The following IDS variants were observed in gnomAD, a reference collection of about 807,000 sequenced individuals.
IDS encodes alpha-L-iduronate sulfate sulfatase.
In IDS, 1 loss-of-function variant was observed where a neutral mutation model predicts 33.5. The observed-to-expected ratio is 0.03, with a 90% confidence interval of 0.01 to 0.14. The LOEUF is 0.14. IDS is among the 10% of genes least tolerant of loss of function. The pLI, the probability that IDS is intolerant of heterozygous loss-of-function variation, is 1.00. For synonymous variants in IDS, 191 were observed against 184.4 expected, an observed-to-expected ratio of 1.04 and a Z score of -0.29; for missense variants, 328 against 448.0, an observed-to-expected ratio of 0.73 and a Z score of 2.42.
intron 7 of IDS, among the ~76,000 whole-genome samples, chrX:149,489,083 T>C (rs782073005): frequency 8.9e-6 from 1 of 112,347 alleles, no homozygotes; most frequent in Admixed American, 9.4e-5. Flanking sequence ...GATGGGCTAT[T>C]TGTAATCTAC....
In IDS at chrX:149,483,185, G is replaced by C; in HGVS notation, c.1214C>G (p.Ser405Cys). ...AAGTCCAGCCAGCGTGGGAAAAAGA[G>C]ACACAAGTTCCACAAGGTCCATGGA... ...RQSMDLVELV[S>C]LFPTLAGLAG... The change falls in exon 9 of 9, where the codon TCT becomes TGT. Residue 405 changes from serine to cysteine, a missense_variant. This residue lies in a region of IDS where 265 missense variants were observed against 339.2 expected (regional missense o/e 0.78). Coordinates refer to ENST00000340855, the MANE Select transcript of IDS (RefSeq NM_000202.8). The C allele has an allele frequency of 2.5e-6, 3 of 1,211,254 alleles. No individual in the cohort carries two copies. The highest frequency in any genetic ancestry group is 3.0e-5 in the East Asian group (1 of 33,855).
At position 149,498,124 on chromosome X, in the gene IDS, G is replaced by A; in HGVS notation, c.691C>T (p.Pro231Ser). The change falls in exon 5 of 9, where the codon CCC becomes TCC. Residue 231 changes from proline (P) to serine (S), a missense_variant. Around this residue, in one of 4 missense-constraint regions of IDS, gnomAD observed 265 missense variants for 339.2 expected, o/e 0.78. Transcript: ENST00000340855. Reference sequence around the variant, plus strand: ...CTCTTCACCTTGGGGTATCTGAAGGGGATGTGTGGCTTATGATACCCAACG... The same window carrying A: ...CTCTTCACCTTGGGGTATCTGAAGGAGATGTGTGGCTTATGATACCCAACG... ...LAVGYHKPHI[P>S]FRYPKEFQKL... 8.3e-7 allele frequency: 1 copy of A among 1,209,564 alleles called. No homozygotes were observed. The highest frequency in any genetic ancestry group is 1.1e-6 in the Non-Finnish European group (1 of 893,496).
Position 149,482,868 on chromosome X carries a change from G to A in IDS, c.1531C>T (p.Leu511=), listed in dbSNP as rs782272275. 8.3e-7 allele frequency: 1 copy of A among 1,211,858 alleles called. No individual in the cohort carries two copies. Among genetic ancestry groups the A allele is most frequent in the South Asian group, 1.8e-5 (1 of 57,009 alleles). The change falls in exon 9 of 9, where the codon CTA becomes TTA. Residue 511 remains leucine (L), a synonymous_variant. Coordinates refer to ENST00000340855, the MANE Select transcript of IDS (RefSeq NM_000202.8). ...VWVGFNPDEF[L]ANFSDIHAGE... is the part of the protein sequence containing the mutation. ...GCATGGATGTCAGAAAAGTTAGCTAGAAATTCATCAGGATTGAAGCCAACC... is the reference window on the plus strand; with the variant it reads ...GCATGGATGTCAGAAAAGTTAGCTAAAAATTCATCAGGATTGAAGCCAACC...
At chrX:149,504,656 G>C (rs1045917675) in intron 1 of IDS, among the ~76,000 whole-genome samples, 59 of 109,315 alleles carry the variant, frequency 5.4e-4, no homozygotes, top group African/African-American at 1.9e-3. Context: ...AGGGAAGAAA[G>C]GATGGAGAGA....
In IDS at chrX:149,480,556, C is replaced by T. The variant is rs782189646; in HGVS notation, c.*2190G>A. ...AATACAATGGCACGATCTTCATTCA[C>T]TGAAACCTCCGTCTCCTGGTTCAAG... On this transcript the variant is annotated 3_prime_UTR_variant, in exon 9 of 9. Coordinates refer to ENST00000340855, the MANE Select transcript of IDS (RefSeq NM_000202.8). The T allele has an allele frequency of 1.2e-4, 34 of 290,859 alleles. No homozygotes were observed. The highest frequency in any genetic ancestry group is 1.9e-4 in the Admixed American group (3 of 16,164). 24.0% of individuals were successfully genotyped at this position (290,859 alleles called of 1,213,427 possible).
intron 1 of IDS, among the ~76,000 whole-genome samples, 197 bp downstream of exon 1, chrX:149,504,838 A>G (rs2089511331): frequency 9.4e-6 from 1 of 106,465 alleles, no homozygotes; most frequent in Middle Eastern, 4.8e-3. Context: ...AGATGGAAAG[A>G]GGGAAGGGAG....
chrX:149,505,073 A>T lies in IDS; in HGVS notation c.65T>A (p.Val22Asp), dbSNP rs1557340581. ...WLGLVLSSVC[V>D]ALGSETQANS... ...GGCCTGCGTTTCGGATCCGAGGGCG[A>T]CGCAGACGGAGCTCAGAACCAGACC... Residue 22 changes from valine to aspartate, a missense_variant, in exon 1 of 9, where the codon GTC becomes GAC. Val to Asp is a radical substitution (Grantham distance 152). Coordinates refer to ENST00000340855, the MANE Select transcript of IDS (RefSeq NM_000202.8). The T allele has an allele frequency of 8.3e-7, 1 of 1,209,066 alleles. No homozygotes were observed. The highest frequency in any genetic ancestry group is 1.1e-6 in the Non-Finnish European group (1 of 893,521).
In IDS at chrX:149,482,769, G is replaced by A; in HGVS notation, c.1630C>T (p.Leu544Phe). Residue 544 changes from leucine (L) to phenylalanine (F), a missense_variant, in exon 9 of 9, where the codon CTT (leucine) becomes TTT (phenylalanine). This residue lies in a region of IDS where 265 missense variants were observed against 339.2 expected (regional missense o/e 0.78). Transcript: ENST00000340855. Reference sequence around the variant, plus strand: ...ACTCAAGGCATCAACAACTGGAAAAGATCTCCACCTTGGGAATCATTATAC... The same window carrying A: ...ACTCAAGGCATCAACAACTGGAAAAAATCTCCACCTTGGGAATCATTATAC... Reference protein sequence around the residue: ...NMYNDSQGGDLFQLLMP With the variant: ...NMYNDSQGGDFFQLLMP The A allele has an allele frequency of 8.3e-7, 1 of 1,211,826 alleles. No homozygotes were observed.
intron 6 of IDS, among the ~76,000 whole-genome samples, chrX:149,492,480 A>C (rs1210487352): frequency 9.0e-6 from 1 of 111,446 alleles, no homozygotes; most frequent in Non-Finnish European, 1.9e-5. Context: ...GGGGCCAATG[A>C]AAGGCCCATG....
intron 6 of IDS, among the ~76,000 whole-genome samples, chrX:149,491,906 T>C (rs890706005): frequency 3.6e-5 from 4 of 112,355 alleles, no homozygotes; most frequent in Non-Finnish European, 5.6e-5. Context: ...GACACAGGTA[T>C]GCAGCATAAG....
In IDS at chrX:149,497,532, T is replaced by C. The variant is rs782096601; in HGVS notation, c.708+575A>G. Among the ~76,000 whole-genome samples, 4 of 112,473 alleles carry C rather than the reference T, an allele frequency of 3.6e-5. No homozygotes were observed. In the East Asian group the frequency reaches 1.1e-3, roughly 31 times the overall value. On this transcript the variant is annotated intron_variant, in intron 5 of 8. Coordinates refer to ENST00000340855, the MANE Select transcript of IDS (RefSeq NM_000202.8). ...CTCATTACATGTGAGGGGCATTCTCTGCAAAGTCAAAAGGATGGGATGCTC... is the reference window on the plus strand; with the variant it reads ...CTCATTACATGTGAGGGGCATTCTCCGCAAAGTCAAAAGGATGGGATGCTC...
rs896796852 is a variant in IDS, at chrX:149,479,987, G to A, written c.*2759C>T. ...AACCTCAGCCTCCTTCGGGAGGGGG[G>A]GAGCTTGGTAGTGAAAAATGGTCAT... On this transcript the variant is annotated 3_prime_UTR_variant, in exon 9 of 9. Coordinates refer to ENST00000340855, the MANE Select transcript of IDS (RefSeq NM_000202.8). 2.2e-5 allele frequency: 6 copies of A among 269,349 alleles called. No homozygotes were observed. Among genetic ancestry groups the A allele is most frequent in the Admixed American group, 6.4e-5 (1 of 15,509 alleles). 22.2% of individuals were successfully genotyped at this position (269,349 alleles called of 1,213,427 possible). A position where few individuals can be genotyped will look rare whatever the true frequency, so the allele number is the denominator to read the frequency against.
intron 2 of IDS, among the ~76,000 whole-genome samples, chrX:149,503,700 C>T (rs1483328569): frequency 8.9e-6 from 1 of 111,973 alleles, no homozygotes; most frequent in Non-Finnish European, 1.9e-5. Context: ...CCCCTGAAAC[C>T]AGCAGATGCT....
At chrX:149,494,775 T>C (rs1315051154) in intron 6 of IDS, among the ~76,000 whole-genome samples, 1 of 112,154 alleles carries the variant, frequency 8.9e-6, no homozygotes, top group Non-Finnish European at 1.9e-5. Context: ...GTAGGTGTTA[T>C]CATGGAAAAA....
chrX:149,491,208 G>A (rs1290670066), intron 6 of IDS, among the ~76,000 whole-genome samples: 4 of 111,654 alleles, frequency 3.6e-5, no homozygotes, highest in Non-Finnish European at 5.6e-5. Flanking sequence ...AACTATGGCC[G>A]TTACGTGGAG....
rs782806769 is a variant in IDS at position 149,505,242 on chromosome X, A to G, written c.-105T>C. 4.1e-5 allele frequency: 21 copies of G among 511,723 alleles called. No individual in the cohort carries two copies. The African/African-American group carries it at 4.9e-4, about 12-fold the overall frequency. 42.2% of individuals were successfully genotyped at this position (511,723 alleles called of 1,213,427 possible). ...ACAGAGACCTCCTCGTCGGGAACCC[A>G]TGAAGACTGCGCAACACAGCCGCCG... is the stretch of plus-strand genomic sequence containing the variant. On this transcript the variant is annotated 5_prime_UTR_variant, in exon 1 of 9. It removes an upstream start codon present in the reference 5' UTR. Coordinates refer to ENST00000340855, the MANE Select transcript of IDS (RefSeq NM_000202.8).
At chrX:149,487,381 C>A (rs41302152) in intron 7 of IDS, 3 of 806,753 alleles carry the variant, frequency 3.7e-6, no homozygotes, top group African/African-American at 4.1e-5. Context: ...GCAACATATA[C>A]CTAACGTAGG....
Position 149,505,276 on chromosome X carries a change from CGCAGGCCCGGGCGCTG to C in IDS, c.-155_-140del. ...GCGCAACACAGCCGCCGCCCGGGCC[CGCAGGCCCGGGCGCTG>C]GCCGCAGCGCGAGTGCGTCCGTGCG... On this transcript the variant is annotated 5_prime_UTR_variant, in exon 1 of 9. Coordinates refer to ENST00000340855, the MANE Select transcript of IDS (RefSeq NM_000202.8). The C allele has an allele frequency of 1.2e-5, 4 of 333,755 alleles. No homozygotes were observed. 27.5% of individuals were successfully genotyped at this position (333,755 alleles called of 1,213,427 possible).
chrX:149,504,268 G>A lies in IDS; in HGVS notation c.129C>T (p.Ile43=), dbSNP rs2124066238. The A allele has an allele frequency of 1.7e-6, 2 of 1,205,235 alleles. No homozygotes were observed. Among genetic ancestry groups the A allele is most frequent in the Non-Finnish European group, 2.2e-6 (2 of 891,985 alleles). ...CCAGGGAGGGGCGCAGGTCATCCAC[G>A]ATGATGAGAAGAACGTTCAGAGCAT... ...TTDALNVLLI[I]VDDLRPSLGC... is the part of the protein sequence containing the mutation. Residue 43 remains isoleucine, a synonymous_variant, in exon 2 of 9, where the codon ATC becomes ATT. Coordinates refer to ENST00000340855, the MANE Select transcript of IDS (RefSeq NM_000202.8).
Sources: allele counts gnomAD v4.1 joint callset (sites outside exome capture counted in the v4.1 genomes callset), GRCh38; gene constraint gnomAD v4.1.1; regional missense constraint gnomAD v4.1.1; transcripts MANE v1.5; gene names NCBI Gene and HGNC (gene_info 2026-07-23, HGNC 2026-07-21).